RBPMS: variants seen among roughly 807,000 people sequenced by gnomAD.
The protein encoded by RBPMS is RNA-binding protein with multiple splicing.
RBPMS carries 7 observed loss-of-function variants against 26.8 expected under a neutral mutation model. That is an observed-to-expected ratio of 0.26 (90% confidence interval 0.15 to 0.49). The LOEUF is 0.49. Ranked by LOEUF, RBPMS falls within the 20% of genes least tolerant of loss-of-function variation. The probability of loss-of-function intolerance (pLI) is 0.98; values close to 1 mark genes in which losing one functional copy is unlikely to be tolerated. For missense variants in RBPMS, 186 were observed against 250.0 expected, an observed-to-expected ratio of 0.74 and a Z score of 1.73; for synonymous variants, 96 against 93.3, an observed-to-expected ratio of 1.03 and a Z score of -0.17.
At position 30,445,616 on chromosome 8, in the gene RBPMS, A is replaced by G. The variant is rs1463086977; in HGVS notation, c.67-29163A>G. 1.4e-5 allele frequency among the ~76,000 whole-genome samples: 2 copies of G among 146,092 alleles called. 1 individual carries two copies. The highest frequency in any genetic ancestry group is 3.0e-5 in the Non-Finnish European group (2 of 66,840). On this transcript the variant is annotated intron_variant, in intron 1 of 8. Transcript: ENST00000397323. ...TCATCAGTTATCTTTAGTCTATTACATGTATACACACACATATGTAGATAT... is the reference window on the plus strand; with the variant it reads ...TCATCAGTTATCTTTAGTCTATTACGTGTATACACACACATATGTAGATAT...
At chr8:30,509,948 ATC>A (rs761911731) in intron 5 of RBPMS, among the ~76,000 whole-genome samples, 1 of 152,236 alleles carries the variant, frequency 6.6e-6, no homozygotes, top group Non-Finnish European at 1.5e-5. Flanking sequence ...TTTGGTGCTT[ATC>A]CTTACACACC....
intron 2 of RBPMS, among the ~76,000 whole-genome samples, chr8:30,476,589 T>G (rs985031240): frequency 2.0e-5 from 3 of 152,136 alleles, no homozygotes; most frequent in African/African-American, 7.2e-5. Flanking sequence ...TGAATCAATC[T>G]CAACATCCTG....
intron 1 of RBPMS, among the ~76,000 whole-genome samples, chr8:30,388,927 T>G (rs1807449012): frequency 6.6e-6 from 1 of 152,176 alleles, no homozygotes; most frequent in African/African-American, 2.4e-5. Context: ...AATCATACAG[T>G]CAGTTCTTCT....
chr8:30,495,707 T>G (rs1034560885), intron 4 of RBPMS, among the ~76,000 whole-genome samples: 10 of 152,212 alleles, frequency 6.6e-5, no homozygotes, highest in Non-Finnish European at 2.9e-5. Flanking sequence ...AGTCCTGATG[T>G]CTTTGCAAGC....
chr8:30,390,226 C>T (rs1240431553), intron 1 of RBPMS, among the ~76,000 whole-genome samples: 5 of 152,202 alleles, frequency 3.3e-5, no homozygotes, highest in Admixed American at 6.5e-5. Context: ...TTCCTTGAAT[C>T]GTGATATTCA....
intron 5 of RBPMS, among the ~76,000 whole-genome samples, chr8:30,525,533 T>A (rs113256401): frequency 5.3e-5 from 8 of 152,208 alleles, no homozygotes; most frequent in African/African-American, 1.4e-4. Context: ...TCTGAAGTCA[T>A]CTAAAATTCA....
intron 4 of RBPMS, among the ~76,000 whole-genome samples, chr8:30,488,709 A>G (rs1227097613): frequency 6.6e-6 from 1 of 152,224 alleles, no homozygotes; most frequent in Admixed American, 6.5e-5. Flanking sequence ...TTAAAATAAA[A>G]AATTTTAATA....
intron 1 of RBPMS, among the ~76,000 whole-genome samples, chr8:30,459,480 A>C (rs1042395182): frequency 6.6e-6 from 1 of 152,172 alleles, no homozygotes; most frequent in Non-Finnish European, 1.5e-5. Flanking sequence ...ATAAATATAA[A>C]TATGTGGTGA....
chr8:30,524,836 T>C (rs1823412405), intron 5 of RBPMS, among the ~76,000 whole-genome samples: 1 of 152,180 alleles, frequency 6.6e-6, no homozygotes. Context: ...AGAAACTTAA[T>C]TTCAAACTTT....
At chr8:30,551,919 T>C (rs1826417412) in intron 6 of RBPMS, among the ~76,000 whole-genome samples, 1 of 152,178 alleles carries the variant, frequency 6.6e-6, no homozygotes, top group Non-Finnish European at 1.5e-5. Flanking sequence ...CAGAAAACAG[T>C]AAGATGTTTG....
At chr8:30,558,124 A>C (rs1167945891) in intron 6 of RBPMS, 1 of 152,190 alleles carries the variant, frequency 6.6e-6, no homozygotes, top group African/African-American at 2.4e-5. Flanking sequence ...TTGACCTCCC[A>C]AAGTGCTAGC....
At chr8:30,439,366 G>A (rs150946619) in intron 1 of RBPMS, among the ~76,000 whole-genome samples, 202 of 152,270 alleles carry the variant, frequency 1.3e-3, no homozygotes, top group Middle Eastern at 6.8e-3. Context: ...TCATGAATGG[G>A]CAATTTCCAA....
Position 30,424,322 on chromosome 8 carries a change from A to G in RBPMS, c.66+39164A>G, listed in dbSNP as rs747131283. 2.0e-5 allele frequency among the ~76,000 whole-genome samples: 3 copies of G among 152,202 alleles called. No individual in the cohort carries two copies. The South Asian group carries it at 6.2e-4, about 32-fold the overall frequency. On this transcript the variant is annotated intron_variant, in intron 1 of 8. Coordinates refer to ENST00000397323, the MANE Select transcript of RBPMS (RefSeq NM_001008710.3). ...CAAAATCCACAACATAGAGTTGCAT[A>G]TGGATGGTAGCGATAATTATAGATC...
chr8:30,525,238 G>T (rs935534879), intron 5 of RBPMS, among the ~76,000 whole-genome samples: 1 of 152,014 alleles, frequency 6.6e-6, no homozygotes, highest in African/African-American at 2.4e-5. Flanking sequence ...AAATATACTG[G>T]CCTCTCTCAA....
At chr8:30,421,181 G>A (rs2150622506) in intron 1 of RBPMS, among the ~76,000 whole-genome samples, 1 of 152,176 alleles carries the variant, frequency 6.6e-6, no homozygotes, top group South Asian at 2.1e-4. Context: ...GAGTGTGTGT[G>A]TGTGAGTGTG....
At chr8:30,507,602 A>G (rs1411072569) in intron 5 of RBPMS, among the ~76,000 whole-genome samples, 2 of 152,236 alleles carry the variant, frequency 1.3e-5, no homozygotes, top group Non-Finnish European at 1.5e-5. Flanking sequence ...AGAATTGATC[A>G]TTAATTTGAG....
chr8:30,561,140 A>G (rs1368662519), intron 7 of RBPMS, among the ~76,000 whole-genome samples: 4 of 152,184 alleles, frequency 2.6e-5, no homozygotes, highest in Non-Finnish European at 5.9e-5. Flanking sequence ...TATTTTGTGA[A>G]TTCTAAAAGT....
chr8:30,493,698 C>A (rs1388287715), intron 4 of RBPMS, among the ~76,000 whole-genome samples: 1 of 151,936 alleles, frequency 6.6e-6, no homozygotes, highest in Admixed American at 6.6e-5. Flanking sequence ...TAGAAACAGC[C>A]CTTTCCTATC....
chr8:30,498,872 A>G (rs912010889), intron 4 of RBPMS, among the ~76,000 whole-genome samples: 18 of 152,014 alleles, frequency 1.2e-4, no homozygotes, highest in African/African-American at 4.1e-4. Flanking sequence ...TATTTTAAAT[A>G]TATTAAAATG....
Sources: gnomAD v4.1 joint callset for allele counts (sites outside exome capture counted in the v4.1 genomes callset) on GRCh38, gnomAD v4.1.1 for gene constraint, MANE v1.5 for transcripts, NCBI Gene and HGNC (gene_info 2026-07-23, HGNC 2026-07-21) for gene names.